DOK5: variants seen among roughly 807,000 people sequenced by gnomAD.
DOK5 encodes docking protein 5, also known as downstream of tyrosine kinase 5.
Under a neutral mutation model 43.3 loss-of-function variants are expected in DOK5, and 27 were observed. That is an observed-to-expected ratio of 0.62 (90% CI 0.46 to 0.86). The LOEUF is 0.86. DOK5 is among the 40% of genes least tolerant of loss of function. The probability of loss-of-function intolerance (pLI) is 0.00; values close to 1 mark genes in which losing one functional copy is unlikely to be tolerated. For missense variants in DOK5, 373 were observed against 392.9 expected (o/e 0.95, Z 0.43); for synonymous variants, 146 against 140.1 (o/e 1.04, Z -0.30).
At chr20:54,525,032 C>T (rs966028767) in intron 1 of DOK5, among the ~76,000 whole-genome samples, 2 of 152,124 alleles carry the variant, frequency 1.3e-5, no homozygotes, top group East Asian at 3.8e-4. Context: ...GGAGAGCAGG[C>T]GGAAGTTCTT....
rs555331098 is a variant in DOK5, at chr20:54,547,231, A to C, written c.67-7702A>C. 5.9e-5 allele frequency among the ~76,000 whole-genome samples: 9 copies of C among 152,312 alleles called. 1 individual carries two copies. Among genetic ancestry groups the C allele is most frequent in the Admixed American group, 5.9e-4 (9 of 15,298 alleles). On this transcript the variant is annotated intron_variant, in intron 1 of 7. Coordinates refer to ENST00000262593, the MANE Select transcript of DOK5 (RefSeq NM_018431.5). The stretch of plus-strand genomic sequence containing the variant: ...TATATTTGCTGAGTTGAGTAGTTGC[A>C]ATAGCGACCTGGGGGCTCTCAAAGA...
chr20:54,641,757 C>T (rs564034794), intron 6 of DOK5, among the ~76,000 whole-genome samples: 10 of 152,102 alleles, frequency 6.6e-5, no homozygotes, highest in African/African-American at 1.7e-4. Flanking sequence ...CTTCGTGGTA[C>T]GACATATAAA....
chr20:54,525,199 G>A (rs569210688), intron 1 of DOK5, among the ~76,000 whole-genome samples: 1 of 152,316 alleles, frequency 6.6e-6, no homozygotes, highest in East Asian at 1.9e-4. Context: ...GCAGGAGAAC[G>A]TGGAGTCCTG....
rs1363573674 is a variant in DOK5 at position 54,528,875 on chromosome 20, T to A, written c.67-26058T>A. 3.9e-5 allele frequency among the ~76,000 whole-genome samples: 6 copies of A among 152,318 alleles called. No homozygotes were observed. In the East Asian group the frequency reaches 1.2e-3, roughly 29 times the overall value. On this transcript the variant is annotated intron_variant, in intron 1 of 7. Coordinates refer to ENST00000262593, the MANE Select transcript of DOK5 (RefSeq NM_018431.5). ...AAAAAAAAAGCAGAGGGATGCATAT[T>A]TTAAAGAAGAAATGAAAACCTAAGT...
intron 1 of DOK5, among the ~76,000 whole-genome samples, chr20:54,545,319 T>C (rs1046951549): frequency 2.0e-5 from 3 of 152,214 alleles, no homozygotes; most frequent in African/African-American, 7.2e-5. Flanking sequence ...ATCTCCACCC[T>C]TGACTTCCAG....
At chr20:54,617,704 A>G (rs577817576) in intron 6 of DOK5, among the ~76,000 whole-genome samples, 3 of 152,330 alleles carry the variant, frequency 2.0e-5, no homozygotes, top group African/African-American at 7.2e-5. Flanking sequence ...CACCAGGAGG[A>G]TGAGATCATG....
intron 1 of DOK5, among the ~76,000 whole-genome samples, chr20:54,553,921 A>G (rs967921671): frequency 6.7e-6 from 1 of 149,662 alleles, no homozygotes; most frequent in African/African-American, 2.5e-5. Context: ...AAAAAATTAT[A>G]CTTAGTAATT....
intron 1 of DOK5, among the ~76,000 whole-genome samples, chr20:54,486,179 A>G (rs1299758787): frequency 2.0e-5 from 3 of 152,078 alleles, no homozygotes; most frequent in Admixed American, 6.6e-5. Context: ...TAAGGTGTGC[A>G]TTTCAGGTCA....
At chr20:54,516,797 C>T (rs1014617724) in intron 1 of DOK5, among the ~76,000 whole-genome samples, 1 of 152,196 alleles carries the variant, frequency 6.6e-6, no homozygotes, top group African/African-American at 2.4e-5. Flanking sequence ...GAATTTAGCT[C>T]TTGCCCTCAA....
At position 54,603,940 on chromosome 20, in the gene DOK5, A is replaced by ATTTT. The variant is rs35690531; in HGVS notation, c.600-6427_600-6424dup. On this transcript the variant is annotated intron_variant, in intron 5 of 7. Transcript: ENST00000262593. ...ATTGTACTCCACTTGTTCAAACTGT[A>ATTTT]TTTTTTTTTTTTTTTTTTTTTTTTG... is the stretch of plus-strand genomic sequence containing the variant. Among the ~76,000 whole-genome samples the ATTTT allele has an allele frequency of 6.3e-3, 484 of 76,272 alleles. 12 individuals are homozygous for ATTTT. Among genetic ancestry groups the ATTTT allele is most frequent in the African/African-American group, 9.4e-3 (164 of 17,486 alleles). 50.0% of individuals were successfully genotyped at this position (76,272 alleles called of 152,430 possible). A position where few individuals can be genotyped will look rare whatever the true frequency, so the allele number is the denominator to read the frequency against.
At chr20:54,622,991 C>T (rs1600744873) in intron 6 of DOK5, among the ~76,000 whole-genome samples, 1 of 152,026 alleles carries the variant, frequency 6.6e-6, no homozygotes, top group African/African-American at 2.4e-5. Context: ...AGCACAGAGC[C>T]CCGTATGACT....
intron 1 of DOK5, among the ~76,000 whole-genome samples, chr20:54,549,073 C>T (rs17326553): frequency 0.036 from 5,421 of 152,282 alleles, 121 homozygotes; most frequent in South Asian, 0.051. Context: ...ATGCCCGCAT[C>T]GGGAAGCACT....
At chr20:54,645,124 A>G (rs1361886351) in intron 7 of DOK5, among the ~76,000 whole-genome samples, 1 of 150,936 alleles carries the variant, frequency 6.6e-6, no homozygotes, top group Non-Finnish European at 1.5e-5. Context: ...GATGAGGTAC[A>G]AGACCACCAA....
chr20:54,530,315 G>C (rs571791979), intron 1 of DOK5, among the ~76,000 whole-genome samples: 6 of 152,280 alleles, frequency 3.9e-5, no homozygotes, highest in Non-Finnish European at 5.9e-5. Context: ...TGAGATGGCT[G>C]TTCAGGGGGC....
chr20:54,591,473 A>T (rs1985970949), intron 4 of DOK5, 143 bp from the exon 5 acceptor site: 2 of 573,496 alleles, frequency 3.5e-6, no homozygotes, highest in Admixed American at 3.6e-5. Context: ...ACTGTTAATT[A>T]ATAGGAAAGG....
At position 54,504,105 on chromosome 20, in the gene DOK5, G is replaced by A. The variant is rs947478998; in HGVS notation, c.66+28093G>A. Among the ~76,000 whole-genome samples the A allele has an allele frequency of 1.2e-4, 18 of 152,160 alleles. 2 individuals carry two copies. Among genetic ancestry groups the A allele is most frequent in the Non-Finnish European group, 8.8e-5 (6 of 68,002 alleles). On this transcript the variant is annotated intron_variant, in intron 1 of 7. Coordinates refer to ENST00000262593, the MANE Select transcript of DOK5 (RefSeq NM_018431.5). ...GTGTGCACTGCCCTGAGCTTCCAGC[G>A]GGGAAGCTCACCTTCACCTTCCCAC...
At chr20:54,517,620 A>G (rs1983243358) in intron 1 of DOK5, among the ~76,000 whole-genome samples, 1 of 152,118 alleles carries the variant, frequency 6.6e-6, no homozygotes, top group Non-Finnish European at 1.5e-5. Context: ...TAAAGTGATG[A>G]TGATAGTGTT....
intron 1 of DOK5, among the ~76,000 whole-genome samples, chr20:54,492,686 T>TTGTGTGTGTGTGTG (rs34741362): frequency 8.5e-5 from 12 of 141,180 alleles, no homozygotes; most frequent in African/African-American, 3.1e-4. Flanking sequence ...GAGTGTGGCT[T>TTGTGTGTGTGTGTG]TGTGTGTGTG....
rs543284598 is a variant in DOK5 at position 54,625,192 on chromosome 20, T to G, written c.735+14669T>G. 3.3e-5 allele frequency among the ~76,000 whole-genome samples: 5 copies of G among 152,310 alleles called. No individual in the cohort carries two copies. In the East Asian group the frequency reaches 7.7e-4, roughly 23 times the overall value. Reference sequence around the variant, plus strand: ...CTTTGGGTGGTTCCTGCCAAACATCTGTCAGAGCTGGAATCAGAATTAGGC... The same window carrying G: ...CTTTGGGTGGTTCCTGCCAAACATCGGTCAGAGCTGGAATCAGAATTAGGC... On this transcript the variant is annotated intron_variant, in intron 6 of 7. Coordinates refer to ENST00000262593, the MANE Select transcript of DOK5 (RefSeq NM_018431.5).
Sources: allele counts gnomAD v4.1 joint callset (sites outside exome capture counted in the v4.1 genomes callset), GRCh38; gene constraint gnomAD v4.1.1; transcripts MANE v1.5; gene names NCBI Gene and HGNC (gene_info 2026-07-23, HGNC 2026-07-21).